The following SRRM3 variants were observed in gnomAD, a reference collection of about 807,000 sequenced individuals.
SRRM3 encodes the protein serine/arginine repetitive matrix 3.
SRRM3 carries 27 observed loss-of-function variants against 66.2 expected under a neutral mutation model. The observed-to-expected ratio is 0.41, with a 90% CI of 0.30 to 0.56. The LOEUF (loss-of-function observed/expected upper bound fraction) is 0.56. Among genes scored for constraint, SRRM3 ranks in the 20% least tolerant of loss-of-function variants. The probability of loss-of-function intolerance (pLI) is 0.32; values close to 1 mark genes in which losing one functional copy is unlikely to be tolerated. For missense variants in SRRM3, 918 were observed against 991.9 expected (o/e 0.93, Z 1.00); for synonymous variants, 391 against 414.9 (o/e 0.94, Z 0.70).
intron 11 of SRRM3, among the ~76,000 whole-genome samples, chr7:76,270,822 A>G (rs1327126318): frequency 6.6e-6 from 1 of 151,836 alleles, no homozygotes; most frequent in African/African-American, 2.4e-5. Context: ...TCGGAAAAAA[A>G]AAAAAAATAG....
At chr7:76,219,897 G>A (rs1800666671) in intron 1 of SRRM3, among the ~76,000 whole-genome samples, 3 of 152,016 alleles carry the variant, frequency 2.0e-5, no homozygotes, top group Non-Finnish European at 2.9e-5. Context: ...ACAACACAGC[G>A]AGATACTGTC....
At chr7:76,206,888 G>A (rs1554601222) in intron 1 of SRRM3, among the ~76,000 whole-genome samples, 1 of 152,156 alleles carries the variant, frequency 6.6e-6, no homozygotes, top group Non-Finnish European at 1.5e-5. Flanking sequence ...ACGGTGCCAC[G>A]GCTCCCTTAG....
rs563914659 is a variant in SRRM3, at chr7:76,285,989, G to A, written c.*146G>A. ...GCCAGTGCACGGGCAGATGGGACCGGGGAAGACTTTGAGGGTGGGCATCCA... is the reference window on the plus strand; with the variant it reads ...GCCAGTGCACGGGCAGATGGGACCGAGGAAGACTTTGAGGGTGGGCATCCA... On this transcript the variant is annotated 3_prime_UTR_variant, in exon 15 of 15. Coordinates refer to ENST00000611745, the MANE Select transcript of SRRM3 (RefSeq NM_001110199.3). The surrounding 1 kb of genome is among the most constrained non-coding windows in gnomAD (Gnocchi z 4.1). The A allele has an allele frequency of 1.0e-3, 906 of 901,970 alleles. 7 individuals carry two copies. The highest frequency in any genetic ancestry group is 2.2e-4 in the Non-Finnish European group (130 of 598,202). The allele number at this position is 901,970 out of a possible 1,614,324, so 55.9% of individuals were successfully genotyped here. A position where few individuals can be genotyped will look rare whatever the true frequency, so the allele number is the denominator to read the frequency against.
At chr7:76,204,414 C>A (rs567079184) in intron 1 of SRRM3, among the ~76,000 whole-genome samples, 1 of 152,272 alleles carries the variant, frequency 6.6e-6, no homozygotes, top group African/African-American at 2.4e-5. Context: ...AACCTGGACC[C>A]AAAGGTGCTG....
chr7:76,266,371 T>G (rs1419183997), intron 10 of SRRM3, among the ~76,000 whole-genome samples: 1 of 115,006 alleles, frequency 8.7e-6, no homozygotes, highest in Non-Finnish European at 1.6e-5. Flanking sequence ...TATTTTCATA[T>G]AAATAATATA....
chr7:76,270,814 G>A lies in SRRM3; in HGVS notation c.1008+3379G>A, dbSNP rs371308037. 2.1e-3 allele frequency among the ~76,000 whole-genome samples: 296 copies of A among 137,798 alleles called. 3 individuals carry two copies. In the Middle Eastern group the frequency reaches 0.03, roughly 14 times the overall value. The allele number at this position is 137,798 out of a possible 152,430, so 90.4% of individuals were successfully genotyped here. On this transcript the variant is annotated intron_variant, in intron 11 of 14. Coordinates refer to ENST00000611745, the MANE Select transcript of SRRM3 (RefSeq NM_001110199.3). ...AGGTGACAGAGTGAGACTCCGTCTC[G>A]GAAAAAAAAAAAAAATAGCCAGGCG... is the stretch of plus-strand genomic sequence containing the variant.
intron 1 of SRRM3, among the ~76,000 whole-genome samples, chr7:76,211,831 T>C (rs868930840): frequency 0.014 from 1,924 of 140,016 alleles, 38 homozygotes; most frequent in African/African-American, 0.052. Context: ...ATTATTATTA[T>C]TATTATTATT....
In SRRM3 at chr7:76,205,729, T is replaced by C. The variant is rs556003496; in HGVS notation, c.-40+3662T>C. Among the ~76,000 whole-genome samples the C allele has an allele frequency of 7.2e-5, 11 of 152,294 alleles. 1 individual carries two copies. The South Asian group carries it at 2.1e-3, about 29-fold the overall frequency. ...TTCTGGGCCAGAAAGGACTCTAACC[T>C]TGGTTCAGCCAAAGAGTCCTGGGAT... On this transcript the variant is annotated intron_variant, in intron 1 of 14. Coordinates refer to ENST00000611745, the MANE Select transcript of SRRM3 (RefSeq NM_001110199.3).
Position 76,282,694 on chromosome 7 carries a change from TC to T in SRRM3, c.1421del (p.Pro474ArgfsTer125). On this transcript the variant is annotated frameshift_variant, in exon 13 of 15. Transcript: ENST00000611745. LOFTEE classifies it high-confidence loss of function. ...PRARPASTSP[S>X]PGAHGRRGGP... The stretch of plus-strand genomic sequence containing the variant: ...CGCGCGGCCCGCCAGCACCTCTCCG[TC>T]CCCGGGCGCGCACGGCCGGCGCGGC... 1 of 1,419,966 alleles carries T rather than the reference TC, an allele frequency of 7.0e-7. No homozygotes were observed. The highest frequency in any genetic ancestry group is 1.4e-5 in the South Asian group (1 of 69,108). 88.0% of individuals were successfully genotyped at this position (1,419,966 alleles called of 1,614,324 possible).
chr7:76,221,927 C>T (rs76462048), intron 1 of SRRM3, among the ~76,000 whole-genome samples: 2,222 of 152,314 alleles, frequency 0.015, 57 homozygotes, highest in African/African-American at 0.05. Context: ...ACTGTACACA[C>T]GTTATTCCTT....
chr7:76,209,687 C>T lies in SRRM3; in HGVS notation c.-40+7620C>T, dbSNP rs542753365. Among the ~76,000 whole-genome samples the T allele has an allele frequency of 2.6e-5, 4 of 151,694 alleles. No homozygotes were observed. In the South Asian group the frequency reaches 8.4e-4, roughly 32 times the overall value. ...TAGTGAGATCATAGCTCACTGCAGC[C>T]TCCAACTCCTGGGCTCAAGATATTC... is the stretch of plus-strand genomic sequence containing the variant. On this transcript the variant is annotated intron_variant, in intron 1 of 14. Transcript: ENST00000611745.
chr7:76,258,821 C>G (rs1296765401), intron 3 of SRRM3, among the ~76,000 whole-genome samples: 1 of 151,466 alleles, frequency 6.6e-6, no homozygotes, highest in Non-Finnish European at 1.5e-5. Context: ...CTTTGGGAGG[C>G]CAAAGCTGGC....
Position 76,281,728 on chromosome 7 carries a change from C to A in SRRM3, c.1296C>A (p.Ser432=). ...SLSRARSSSD[S]GSGRGAPGPG... is the part of the protein sequence containing the mutation. ...GCAGGGCCCGCTCCAGCAGCGACTC[C>A]GGCAGCGGCCGCGGCGCCCCCGGCC... The change falls in exon 12 of 15, where the codon TCC becomes TCA. Residue 432 remains serine, a synonymous_variant. Transcript: ENST00000611745. 1 of 1,301,094 alleles carries A rather than the reference C, an allele frequency of 7.7e-7. No homozygotes were observed. Among genetic ancestry groups the A allele is most frequent in the Non-Finnish European group, 9.8e-7 (1 of 1,020,954 alleles). 80.6% of individuals were successfully genotyped at this position (1,301,094 alleles called of 1,614,324 possible). A position where few individuals can be genotyped will look rare whatever the true frequency, so the allele number is the denominator to read the frequency against.
At chr7:76,223,026 G>C (rs1301784542) in intron 1 of SRRM3, among the ~76,000 whole-genome samples, 1 of 152,020 alleles carries the variant, frequency 6.6e-6, no homozygotes, top group African/African-American at 2.4e-5. Flanking sequence ...TCCTACTTAT[G>C]CTTCAAGATC....
chr7:76,221,359 C>CTTTTTTTTTTTTTTTTTTTTT lies in SRRM3; in HGVS notation c.-39-13668_-39-13648dup. Among the ~76,000 whole-genome samples, 2 of 95,356 alleles carry CTTTTTTTTTTTTTTTTTTTTT rather than the reference C, an allele frequency of 2.1e-5. 1 individual carries two copies. The highest frequency in any genetic ancestry group is 7.0e-4 in the South Asian group (2 of 2,866). The allele number at this position is 95,356 out of a possible 152,430, so 62.6% of individuals were successfully genotyped here. ...TTTGAGCCACTGGGCCTGCCCTCCT[C>CTTTTTTTTTTTTTTTTTTTTT]TTTTTTTTTTTTTTTTTTTTTGAGA... On this transcript the variant is annotated intron_variant, in intron 1 of 14. Transcript: ENST00000611745.
chr7:76,264,581 G>C (rs1801962822), intron 8 of SRRM3, among the ~76,000 whole-genome samples, 184 bp from the exon 9 acceptor site: 1 of 152,200 alleles, frequency 6.6e-6, no homozygotes, highest in African/African-American at 2.4e-5. Flanking sequence ...AGGAAGGCCG[G>C]AGCTTTGGCT....
intron 5 of SRRM3, among the ~76,000 whole-genome samples, chr7:76,260,479 C>T (rs10231615): frequency 0.071 from 10,232 of 143,890 alleles, 1,064 homozygotes; most frequent in African/African-American, 0.22. Context: ...TGGGGCCCGC[C>T]CCTCACCGAG....
At chr7:76,241,268 C>T (rs1290106111) in intron 2 of SRRM3, among the ~76,000 whole-genome samples, 2 of 152,158 alleles carry the variant, frequency 1.3e-5, no homozygotes, top group South Asian at 2.1e-4. Flanking sequence ...CTAGGCTGGC[C>T]GGCTCTGCCA....
chr7:76,243,393 C>A (rs1206486286), intron 2 of SRRM3, among the ~76,000 whole-genome samples: 1 of 152,138 alleles, frequency 6.6e-6, no homozygotes, highest in Non-Finnish European at 1.5e-5. Context: ...CAGGTGTCAT[C>A]CTTGTGTCCC....
Sources: allele counts gnomAD v4.1 joint callset (sites outside exome capture counted in the v4.1 genomes callset), GRCh38; gene constraint gnomAD v4.1.1; non-coding constraint Gnocchi (gnomAD v3.1); transcripts MANE v1.5; gene names NCBI Gene and HGNC (gene_info 2026-07-23, HGNC 2026-07-21).